The following RPS6KA5 variants were observed in gnomAD, a reference collection of about 807,000 sequenced individuals.
RPS6KA5 encodes the protein ribosomal protein S6 kinase alpha-5.
A neutral mutation model predicts 85.5 loss-of-function variants in RPS6KA5; 27 were observed. The ratio of observed to expected loss-of-function variants is 0.32; its 90% CI spans 0.23 to 0.44. The LOEUF (loss-of-function observed/expected upper bound fraction) is 0.44, where lower values mean the gene tolerates loss of function less well. Ranked by LOEUF, RPS6KA5 falls within the 20% of genes least tolerant of loss-of-function variation. RPS6KA5 has a pLI of 1.00. For synonymous variants in RPS6KA5, 334 were observed against 348.2 expected (o/e 0.96, Z 0.46); for missense variants, 811 against 980.9 (o/e 0.83, Z 2.31).
chr14:90,914,058 A>G (rs2035971316), intron 7 of RPS6KA5, among the ~76,000 whole-genome samples: 1 of 152,092 alleles, frequency 6.6e-6, no homozygotes, highest in African/African-American at 2.4e-5. Flanking sequence ...ACAGAAAACT[A>G]CCTTCTTCCT....
intron 1 of RPS6KA5, among the ~76,000 whole-genome samples, chr14:91,035,775 C>T (rs1210193250): frequency 7.1e-6 from 1 of 140,366 alleles, no homozygotes; most frequent in African/African-American, 2.7e-5. Context: ...CAAACAGAGA[C>T]ACAGAAAACT....
At chr14:91,039,049 T>A (rs930029074) in intron 1 of RPS6KA5, among the ~76,000 whole-genome samples, 7 of 152,218 alleles carry the variant, frequency 4.6e-5, no homozygotes, top group African/African-American at 1.7e-4. Context: ...AGAGGTCCAT[T>A]AACTCCAAAT....
At chr14:91,005,651 G>A (rs943911153) in intron 1 of RPS6KA5, among the ~76,000 whole-genome samples, 4 of 152,204 alleles carry the variant, frequency 2.6e-5, no homozygotes, top group African/African-American at 7.2e-5. Context: ...GAGTCTAGGT[G>A]TCTAAATAGT....
chr14:90,921,016 G>C (rs981484126), intron 6 of RPS6KA5, among the ~76,000 whole-genome samples: 1 of 152,088 alleles, frequency 6.6e-6, no homozygotes, highest in African/African-American at 2.4e-5. Flanking sequence ...ACAGGCGTGA[G>C]CCACCATGCC....
rs1057257693 is a variant in RPS6KA5 at position 90,862,121 on chromosome 14, G to A, written c.*9953C>T. The A allele has an allele frequency of 6.6e-6, 1 of 152,098 alleles. No individual in the cohort carries two copies. Among genetic ancestry groups the A allele is most frequent in the Non-Finnish European group, 1.5e-5 (1 of 68,014 alleles). The allele number at this position is 152,098 out of a possible 1,614,324, so 9.4% of individuals were successfully genotyped here. A position where few individuals can be genotyped will look rare whatever the true frequency, so the allele number is the denominator to read the frequency against. On this transcript the variant is annotated 3_prime_UTR_variant, in exon 17 of 17. Transcript: ENST00000614987. ...AGAAGACACAATACAGGAACCAAGA[G>A]GATATAGGACAAAAATGTAAAAGAA... is the stretch of plus-strand genomic sequence containing the variant.
At chr14:91,031,905 A>T (rs544061581) in intron 1 of RPS6KA5, among the ~76,000 whole-genome samples, 1 of 152,326 alleles carries the variant, frequency 6.6e-6, no homozygotes, top group East Asian at 1.9e-4. Flanking sequence ...GGTAGAAAAT[A>T]TTAGAAAAGA....
chr14:90,922,926 C>A (rs1222096863), intron 6 of RPS6KA5, among the ~76,000 whole-genome samples, 187 bp downstream of exon 6: 2 of 151,950 alleles, frequency 1.3e-5, no homozygotes, highest in Non-Finnish European at 2.9e-5. Context: ...TTTGTATTAT[C>A]TTTTTCCTCC....
chr14:90,989,912 G>A (rs1056802121), intron 2 of RPS6KA5, among the ~76,000 whole-genome samples: 1 of 151,890 alleles, frequency 6.6e-6, no homozygotes, highest in Admixed American at 6.6e-5. Flanking sequence ...AGGGATGATC[G>A]TAAGAGCTTA....
intron 3 of RPS6KA5, among the ~76,000 whole-genome samples, chr14:90,953,944 T>A (rs939881220): frequency 2.6e-5 from 4 of 152,200 alleles, no homozygotes; most frequent in Admixed American, 6.5e-5. Context: ...CTCAAAAGCA[T>A]GTGATCTTTG....
intron 2 of RPS6KA5, among the ~76,000 whole-genome samples, chr14:90,994,064 G>A (rs2040414432): frequency 6.6e-6 from 1 of 151,960 alleles, no homozygotes; most frequent in Admixed American, 6.6e-5. Flanking sequence ...AGCTAAGTTA[G>A]TTTGTTTTTC....
rs1430474991 is a variant in RPS6KA5, at chr14:90,864,156, T to C, written c.*7918A>G. On this transcript the variant is annotated 3_prime_UTR_variant, in exon 17 of 17. Coordinates refer to ENST00000614987, the MANE Select transcript of RPS6KA5 (RefSeq NM_004755.4). ...ACAATAAAGCTTTTAGTTTTATTTT[T>C]TGAGACAGAGTCTCGCTCTGTTGCC... The C allele has an allele frequency of 2.6e-5, 4 of 152,282 alleles. No individual in the cohort carries two copies. The highest frequency in any genetic ancestry group is 9.6e-5 in the African/African-American group (4 of 41,468). 9.4% of individuals were successfully genotyped at this position (152,282 alleles called of 1,614,324 possible).
chr14:90,891,547 A>C (rs2140197405), intron 13 of RPS6KA5, among the ~76,000 whole-genome samples: 1 of 152,244 alleles, frequency 6.6e-6, no homozygotes, highest in Non-Finnish European at 1.5e-5. Flanking sequence ...GCATCCTAAC[A>C]AAATCCATTA....
intron 7 of RPS6KA5, among the ~76,000 whole-genome samples, chr14:90,914,071 C>T (rs762892603): frequency 3.9e-5 from 6 of 152,154 alleles, no homozygotes; most frequent in African/African-American, 7.2e-5. Flanking sequence ...TTCTTCCTTT[C>T]ACGGCCCTTT....
At chr14:90,879,781 ATTTTTT>A (rs10609342) in intron 14 of RPS6KA5, among the ~76,000 whole-genome samples, 1 of 128,968 alleles carries the variant, frequency 7.8e-6, no homozygotes, top group Non-Finnish European at 1.6e-5. Context: ...TCCACTCCTA[ATTTTTT>A]TTTTTTTTTT....
intron 14 of RPS6KA5, among the ~76,000 whole-genome samples, chr14:90,884,726 A>G (rs2034074461): frequency 6.6e-6 from 1 of 152,176 alleles, no homozygotes; most frequent in South Asian, 2.1e-4. Flanking sequence ...TCTATTGTTG[A>G]TGAACATTGG....
intron 15 of RPS6KA5, 29 bp from the exon 16 acceptor site, chr14:90,873,824 A>T (rs1252460899): frequency 6.3e-7 from 1 of 1,590,120 alleles, no homozygotes; most frequent in East Asian, 2.2e-5. Context: ...TTATTTTATG[A>T]TTTGTCATTT....
At chr14:90,943,696 C>T (rs549981011) in intron 4 of RPS6KA5, among the ~76,000 whole-genome samples, 1 of 152,136 alleles carries the variant, frequency 6.6e-6, no homozygotes, top group East Asian at 1.9e-4. Context: ...TACTCTAACT[C>T]TTTTTTTCAC....
At chr14:90,876,068 G>A (rs1421851175) in intron 14 of RPS6KA5, among the ~76,000 whole-genome samples, 4 of 151,822 alleles carry the variant, frequency 2.6e-5, no homozygotes, top group East Asian at 1.9e-4. Context: ...AAAAGATTAC[G>A]TGACTTCTAT....
intron 2 of RPS6KA5, among the ~76,000 whole-genome samples, chr14:90,989,929 A>T (rs2040230864): frequency 6.6e-6 from 1 of 152,326 alleles, no homozygotes; most frequent in South Asian, 2.1e-4. Context: ...CTTACAATCC[A>T]GAGGAAAGAT....
Sources: gnomAD v4.1 joint callset for allele counts (sites outside exome capture counted in the v4.1 genomes callset) on GRCh38, gnomAD v4.1.1 for gene constraint, MANE v1.5 for transcripts, NCBI Gene and HGNC (gene_info 2026-07-23, HGNC 2026-07-21) for gene names.